The following NCAM1 variants were observed in gnomAD, a reference collection of about 807,000 sequenced individuals.
NCAM1 encodes neural cell adhesion molecule 1, also known as antigen recognized by monoclonal antibody 5.1H11.
NCAM1 carries 14 observed loss-of-function variants against 109.8 expected under a neutral mutation model. That is an observed-to-expected ratio of 0.13 (90% CI 0.08 to 0.20). The LOEUF is 0.20. Ranked by LOEUF, NCAM1 falls within the 10% of genes least tolerant of loss-of-function variation. The pLI is 1.00. For synonymous variants in NCAM1, 418 were observed against 442.9 expected (o/e 0.94, Z 0.70); for missense variants, 774 against 1,109.9 (o/e 0.70, Z 4.30).
chr11:113,034,434 G>A (rs1036886687), intron 1 of NCAM1, among the ~76,000 whole-genome samples: 1 of 152,156 alleles, frequency 6.6e-6, no homozygotes, highest in Non-Finnish European at 1.5e-5. Context: ...CCTTTATTAA[G>A]AAAGGAAACC....
chr11:113,037,345 C>G (rs562447206), intron 1 of NCAM1, among the ~76,000 whole-genome samples: 1 of 152,290 alleles, frequency 6.6e-6, no homozygotes, highest in South Asian at 2.1e-4. Flanking sequence ...TCCCTTTGCT[C>G]TTTTCCTGCC....
intron 1 of NCAM1, among the ~76,000 whole-genome samples, chr11:113,043,998 G>A (rs111499505): frequency 6.0e-4 from 90 of 149,460 alleles, no homozygotes; most frequent in African/African-American, 2.1e-3. Flanking sequence ...TATTTTTAGT[G>A]ATGTTTTCAT....
At chr11:113,272,623 G>C (rs781801455) in intron 19 of NCAM1, among the ~76,000 whole-genome samples, 1 of 152,168 alleles carries the variant, frequency 6.6e-6, no homozygotes, top group Non-Finnish European at 1.5e-5. Flanking sequence ...GGAAGCCCTA[G>C]GCAGGTCTGC....
rs141441446 is a variant in NCAM1, at chr11:113,075,290, G to A, written c.52+113626G>A. The stretch of plus-strand genomic sequence containing the variant: ...TCACTATGTTGCTCAGGCTGGTCTC[G>A]GGCTCCTGGGCTCAAGAGATCCTCC... On this transcript the variant is annotated intron_variant, in intron 1 of 19. Coordinates refer to ENST00000316851, the MANE Select transcript of NCAM1 (RefSeq NM_181351.5). Among the ~76,000 whole-genome samples the A allele has an allele frequency of 7.8e-3, 1,191 of 152,126 alleles. 11 individuals are homozygous for A. The highest frequency in any genetic ancestry group is 0.018 in the South Asian group (84 of 4,798).
intron 1 of NCAM1, among the ~76,000 whole-genome samples, chr11:113,109,277 G>A (rs1940323102): frequency 6.6e-6 from 1 of 151,274 alleles, no homozygotes; most frequent in Non-Finnish European, 1.5e-5. Context: ...AAACCCGGGA[G>A]GCGGAGGTTG....
At chr11:113,135,413 G>T (rs73570728) in intron 1 of NCAM1, among the ~76,000 whole-genome samples, 1 of 152,152 alleles carries the variant, frequency 6.6e-6, no homozygotes, top group African/African-American at 2.4e-5. Flanking sequence ...AACAGGGTCT[G>T]CAGAGATTGA....
At chr11:113,013,745 T>C (rs1952134927) in intron 1 of NCAM1, among the ~76,000 whole-genome samples, 1 of 152,218 alleles carries the variant, frequency 6.6e-6, no homozygotes. Flanking sequence ...CAAGTTAAAG[T>C]CAATATTAGC....
At chr11:113,135,324 G>A (rs1555099190) in intron 1 of NCAM1, among the ~76,000 whole-genome samples, 1 of 152,196 alleles carries the variant, frequency 6.6e-6, no homozygotes, top group African/African-American at 2.4e-5. Flanking sequence ...CATCAAGAAT[G>A]TGCTTCTTAA....
chr11:113,021,391 T>C (rs1230449046), intron 1 of NCAM1, among the ~76,000 whole-genome samples: 1 of 152,206 alleles, frequency 6.6e-6, no homozygotes, highest in Non-Finnish European at 1.5e-5. Context: ...TATATAAATG[T>C]GTCTAGAGAC....
chr11:113,084,818 A>G (rs1294982783), intron 1 of NCAM1, among the ~76,000 whole-genome samples: 1 of 152,194 alleles, frequency 6.6e-6, no homozygotes, highest in Non-Finnish European at 1.5e-5. Context: ...CTTCTCTGTA[A>G]TCAAAGGTGG....
In NCAM1 at chr11:112,962,806, G is replaced by A. The variant is rs1445148074; in HGVS notation, c.52+1142G>A. On this transcript the variant is annotated intron_variant, in intron 1 of 19. Coordinates refer to ENST00000316851, the MANE Select transcript of NCAM1 (RefSeq NM_181351.5). The surrounding 1 kb of genome is among the most constrained non-coding windows in gnomAD (Gnocchi z 5.6). ...GATTTGCGCTTTGGCTCTGATGGAC[G>A]GGAGGGAAGGAAGAAAAGCAGGGGC... 6.6e-6 allele frequency among the ~76,000 whole-genome samples: 1 copy of A among 152,114 alleles called. No individual in the cohort carries two copies. Among genetic ancestry groups the A allele is most frequent in the Admixed American group, 6.5e-5 (1 of 15,272 alleles).
intron 1 of NCAM1, among the ~76,000 whole-genome samples, chr11:113,071,041 G>A (rs1938238370): frequency 6.6e-6 from 1 of 152,282 alleles, no homozygotes; most frequent in Non-Finnish European, 1.5e-5. Flanking sequence ...GCTGTGTGTG[G>A]TAGAGAGATG....
chr11:113,158,462 G>T (rs1258933418), intron 1 of NCAM1, among the ~76,000 whole-genome samples: 1 of 152,220 alleles, frequency 6.6e-6, no homozygotes. Flanking sequence ...CACAGCAGAA[G>T]TGCTCTATTC....
chr11:113,166,947 TCA>T (rs1942822013), intron 1 of NCAM1, among the ~76,000 whole-genome samples: 2 of 152,230 alleles, frequency 1.3e-5, no homozygotes, highest in South Asian at 4.1e-4. Flanking sequence ...ATAGAATCAC[TCA>T]CTCGTTCACT....
chr11:113,154,303 C>A (rs1483536345), intron 1 of NCAM1, among the ~76,000 whole-genome samples: 3 of 152,040 alleles, frequency 2.0e-5, no homozygotes, highest in African/African-American at 4.8e-5. Context: ...ATTTTGAGGG[C>A]TATATGGAGA....
chr11:113,195,383 A>G (rs998686658), intron 1 of NCAM1, among the ~76,000 whole-genome samples: 11 of 151,744 alleles, frequency 7.2e-5, no homozygotes, highest in African/African-American at 2.7e-4. Context: ...CCATTATTCT[A>G]TTAATACACA....
intron 1 of NCAM1, among the ~76,000 whole-genome samples, chr11:113,138,577 A>G (rs1941699598): frequency 6.6e-6 from 1 of 152,128 alleles, no homozygotes; most frequent in Non-Finnish European, 1.5e-5. Context: ...CATGCTTTCC[A>G]CTTCACCTTG....
chr11:113,042,617 AG>A (rs1953117690), intron 1 of NCAM1, among the ~76,000 whole-genome samples: 1 of 152,038 alleles, frequency 6.6e-6, no homozygotes, highest in Non-Finnish European at 1.5e-5. Context: ...CCTGCCTGGG[AG>A]TGCTTTGCAT....
chr11:112,968,058 A>G (rs1293043274), intron 1 of NCAM1, among the ~76,000 whole-genome samples: 1 of 152,226 alleles, frequency 6.6e-6, no homozygotes, highest in Non-Finnish European at 1.5e-5. Flanking sequence ...TTCTTTAGCA[A>G]CTATCCTTTG....
Sources: gnomAD v4.1 joint callset for allele counts (sites outside exome capture counted in the v4.1 genomes callset) on GRCh38, gnomAD v4.1.1 for gene constraint, Gnocchi (gnomAD v3.1) non-coding constraint, MANE v1.5 for transcripts, NCBI Gene and HGNC (gene_info 2026-07-23, HGNC 2026-07-21) for gene names.